Variants in MTUS2 observed in about 807,000 individuals in gnomAD.
The protein encoded by MTUS2 is microtubule associated scaffold protein 2.
A neutral mutation model predicts 114.1 loss-of-function variants in MTUS2; 40 were observed. The ratio of observed to expected loss-of-function variants is 0.35; its 90% CI spans 0.27 to 0.46. MTUS2 has a LOEUF of 0.46. Ranked by LOEUF, MTUS2 falls within the 20% of genes least tolerant of loss-of-function variation. MTUS2 has a pLI of 1.00. For synonymous variants in MTUS2, 688 were observed against 672.0 expected (o/e 1.02, Z -0.37); for missense variants, 1,679 against 1,705.4 (o/e 0.98, Z 0.27).
At chr13:29,019,887 C>T (rs908557294) in intron 2 of MTUS2, among the ~76,000 whole-genome samples, 14 of 152,342 alleles carry the variant, frequency 9.2e-5, no homozygotes, top group African/African-American at 3.4e-4. Flanking sequence ...TTTTCAAAAG[C>T]TAATCCCACA....
chr13:29,121,612 G>C (rs952057616), intron 5 of MTUS2, among the ~76,000 whole-genome samples: 1 of 151,200 alleles, frequency 6.6e-6, no homozygotes, highest in Non-Finnish European at 1.5e-5. Flanking sequence ...GAAGGCCTAA[G>C]TTCAAATCCC....
Position 29,034,028 on chromosome 13 carries a change from C to G in MTUS2, c.2349C>G (p.Ser783Arg), listed in dbSNP as rs753047254. 8.7e-6 allele frequency: 14 copies of G among 1,613,844 alleles called. No homozygotes were observed. The East Asian group carries it at 2.0e-4, about 23-fold the overall frequency. The change falls in exon 4 of 16, where the codon AGC (serine) becomes AGG (arginine). Residue 783 changes from serine to arginine, a missense_variant. Ser to Arg is a moderately radical substitution (Grantham distance 110). Coordinates refer to ENST00000612955, the MANE Select transcript of MTUS2 (RefSeq NM_001033602.4). ...TGTCCCGTTTACCATCTGCAAAGAGCAGGATTCTGATTGCAAGTCAGAGGT... is the reference window on the plus strand; with the variant it reads ...TGTCCCGTTTACCATCTGCAAAGAGGAGGATTCTGATTGCAAGTCAGAGGT... ...GAMSRLPSAKSRILIASQRSS... is the reference protein window; with the variant it reads ...GAMSRLPSAKRRILIASQRSS...
intron 5 of MTUS2, among the ~76,000 whole-genome samples, chr13:29,268,351 G>A (rs924124385): frequency 2.6e-5 from 4 of 152,148 alleles, no homozygotes; most frequent in Non-Finnish European, 5.9e-5. Flanking sequence ...GTTTTAGGAG[G>A]GAGTCAAGGG....
At chr13:29,022,954 G>C (rs1278093131) in intron 2 of MTUS2, among the ~76,000 whole-genome samples, 2 of 152,116 alleles carry the variant, frequency 1.3e-5, no homozygotes, top group African/African-American at 4.8e-5. Flanking sequence ...TGTATGCCAG[G>C]TATTAGACAA....
At chr13:28,988,630 A>G (rs1309690513) in intron 2 of MTUS2, among the ~76,000 whole-genome samples, 2 of 152,224 alleles carry the variant, frequency 1.3e-5, no homozygotes, top group East Asian at 3.9e-4. Context: ...CTGAATGTAC[A>G]AAGTGTTCAC....
intron 2 of MTUS2, among the ~76,000 whole-genome samples, chr13:28,989,462 C>T (rs1294348132): frequency 6.6e-6 from 1 of 152,130 alleles, no homozygotes; most frequent in Non-Finnish European, 1.5e-5. Context: ...TGCCAGCTTC[C>T]CAAGCCCAGA....
intron 5 of MTUS2, among the ~76,000 whole-genome samples, chr13:29,153,254 C>T (rs944196780): frequency 3.9e-5 from 6 of 152,160 alleles, no homozygotes; most frequent in Non-Finnish European, 2.9e-5. Flanking sequence ...GTTAACCTAC[C>T]ATCAGGCCTA....
chr13:29,317,428 CTCTCT>C (rs1166723669), intron 6 of MTUS2, among the ~76,000 whole-genome samples: 1 of 54,284 alleles, frequency 1.8e-5, no homozygotes, highest in African/African-American at 6.1e-5. Context: ...CGCTCTCTCT[CTCTCT>C]TTTTTTTTTT....
intron 4 of MTUS2, among the ~76,000 whole-genome samples, chr13:29,046,750 T>G (rs1427637455): frequency 6.6e-6 from 1 of 152,166 alleles, no homozygotes; most frequent in East Asian, 1.9e-4. Flanking sequence ...CTTTTTCCCT[T>G]TTTGCCTTTG....
intron 2 of MTUS2, among the ~76,000 whole-genome samples, chr13:28,850,139 G>A (rs1190998276): frequency 2.7e-5 from 2 of 73,792 alleles, no homozygotes; most frequent in East Asian, 2.6e-4. Context: ...CAGTCTGCTC[G>A]TTGGTATAAG....
At chr13:29,328,650 A>G (rs7983388) in intron 7 of MTUS2, among the ~76,000 whole-genome samples, 122,528 of 151,626 alleles carry the variant, frequency 0.81, 50,407 homozygotes, top group East Asian at 0.9. Context: ...ATGTCTCTTT[A>G]AAGATTTCAA....
At chr13:29,100,550 G>A (rs1032214553) in intron 4 of MTUS2, among the ~76,000 whole-genome samples, 2 of 152,020 alleles carry the variant, frequency 1.3e-5, no homozygotes, top group Admixed American at 1.3e-4. Flanking sequence ...ATTTGTCCAG[G>A]CTGGGGCTGC....
intron 12 of MTUS2, 104 bp from the exon 13 acceptor site, chr13:29,497,134 G>C: frequency 1.0e-6 from 1 of 962,870 alleles, no homozygotes; most frequent in African/African-American, 1.6e-5. Flanking sequence ...AACACTCTGA[G>C]GATGCCCAGG....
chr13:29,228,008 A>G (rs924166366), intron 5 of MTUS2, among the ~76,000 whole-genome samples: 1 of 146,392 alleles, frequency 6.8e-6, no homozygotes, highest in African/African-American at 2.6e-5. Context: ...TCCTTTTTGG[A>G]AAGCAATTTG....
chr13:28,917,826 T>G (rs989080773), intron 2 of MTUS2, among the ~76,000 whole-genome samples: 1 of 151,876 alleles, frequency 6.6e-6, no homozygotes, highest in Non-Finnish European at 1.5e-5. Flanking sequence ...TTGTTTGATG[T>G]TTTTCTTCTT....
At position 29,480,020 on chromosome 13, in the gene MTUS2, A is replaced by G; in HGVS notation, c.3185-130A>G. ...AAGGAAAGCACTTTACAAACTGTGTAGCCCTGCAGAAGTCAGAGGACCTCG... is the reference window on the plus strand; with the variant it reads ...AAGGAAAGCACTTTACAAACTGTGTGGCCCTGCAGAAGTCAGAGGACCTCG... On this transcript the variant is annotated intron_variant, in intron 9 of 15. Coordinates refer to ENST00000612955, the MANE Select transcript of MTUS2 (RefSeq NM_001033602.4). This position sits in a 1 kb window ranked among gnomAD's most constrained non-coding sequence, Gnocchi z 4.4. 1.2e-6 allele frequency: 1 copy of G among 828,292 alleles called. No homozygotes were observed. The highest frequency in any genetic ancestry group is 1.9e-6 in the Non-Finnish European group (1 of 526,340). The allele number at this position is 828,292 out of a possible 1,614,324, so 51.3% of individuals were successfully genotyped here.
At chr13:28,988,481 A>G (rs1188974151) in intron 2 of MTUS2, among the ~76,000 whole-genome samples, 2 of 152,240 alleles carry the variant, frequency 1.3e-5, no homozygotes, top group Non-Finnish European at 2.9e-5. Flanking sequence ...TTCAATTTCT[A>G]TCCCTACTGT....
rs58167410 is a variant in MTUS2, at chr13:28,895,406, A to G, written c.-243+55556A>G. 2.5e-3 allele frequency among the ~76,000 whole-genome samples: 388 copies of G among 152,284 alleles called. 14 individuals are homozygous for G. The East Asian group carries it at 0.071, about 28-fold the overall frequency. On this transcript the variant is annotated intron_variant, in intron 2 of 15. Coordinates refer to ENST00000612955, the MANE Select transcript of MTUS2 (RefSeq NM_001033602.4). ...TTTTAGGATGTAGAAAACTATTTTG[A>G]GGAGTTCTGTAAGTCAAAAAAATTA...
intron 5 of MTUS2, among the ~76,000 whole-genome samples, chr13:29,122,903 A>T (rs1416341053): frequency 6.6e-6 from 1 of 152,224 alleles, no homozygotes; most frequent in South Asian, 2.1e-4. Context: ...GAATTTTTAA[A>T]ATGTAGCTTT....
Sources: allele counts gnomAD v4.1 joint callset (sites outside exome capture counted in the v4.1 genomes callset), GRCh38; gene constraint gnomAD v4.1.1; non-coding constraint Gnocchi (gnomAD v3.1); transcripts MANE v1.5; gene names NCBI Gene and HGNC (gene_info 2026-07-23, HGNC 2026-07-21).